The following EYS variants were observed in gnomAD, a reference collection of about 807,000 sequenced individuals.
EYS encodes the protein protein eyes shut homolog.
A neutral mutation model predicts 282.1 loss-of-function variants in EYS; 250 were observed. That is an observed-to-expected ratio of 0.89 (90% confidence interval 0.80 to 0.98). EYS has a LOEUF of 0.98. EYS is among the 50% of genes least tolerant of loss of function. EYS has a pLI of 0.00. For missense variants in EYS, 4,016 were observed against 3,709.0 expected (o/e 1.08, Z -2.15); for synonymous variants, 1,355 against 1,282.9 (o/e 1.06, Z -1.20).
intron 12 of EYS, among the ~76,000 whole-genome samples, chr6:65,085,140 A>C (rs1774330960): frequency 6.6e-6 from 1 of 152,200 alleles, no homozygotes; most frequent in African/African-American, 2.4e-5. Context: ...GCCAGAAGTC[A>C]TGACAAAGGT....
intron 29 of EYS, among the ~76,000 whole-genome samples, chr6:64,332,351 T>A (rs907784967): frequency 6.6e-6 from 1 of 152,192 alleles, no homozygotes; most frequent in Non-Finnish European, 1.5e-5. Flanking sequence ...AGTGAGACCA[T>A]GTAGTAAATA....
At chr6:63,841,785 G>A (rs151279291) in intron 36 of EYS, among the ~76,000 whole-genome samples, 4 of 152,108 alleles carry the variant, frequency 2.6e-5, no homozygotes, top group Non-Finnish European at 4.4e-5. Context: ...ACAGGCACCC[G>A]TGTGTGATGT....
chr6:63,829,206 G>A (rs551380634), intron 36 of EYS, among the ~76,000 whole-genome samples: 12 of 152,294 alleles, frequency 7.9e-5, no homozygotes, highest in East Asian at 3.9e-4. Context: ...CTGAGGTACC[G>A]GGTTCGTCTC....
intron 12 of EYS, among the ~76,000 whole-genome samples, chr6:65,161,288 T>C (rs1054344851): frequency 6.6e-6 from 1 of 151,024 alleles, no homozygotes; most frequent in African/African-American, 2.4e-5. Context: ...ATTGCTATTA[T>C]TCATCTTTTA....
chr6:65,628,621 C>T (rs529649023), intron 2 of EYS, among the ~76,000 whole-genome samples: 19 of 152,206 alleles, frequency 1.2e-4, no homozygotes, highest in African/African-American at 4.6e-4. Context: ...AGGAGCCCAC[C>T]GGGAGGAACG....
chr6:65,677,957 T>C (rs535090619), intron 1 of EYS, among the ~76,000 whole-genome samples: 2 of 152,168 alleles, frequency 1.3e-5, no homozygotes, highest in South Asian at 2.1e-4. Flanking sequence ...TAGTCCATTG[T>C]TGTGTTGCTG....
chr6:64,643,687 G>A (rs964654584), intron 22 of EYS, among the ~76,000 whole-genome samples: 8 of 152,146 alleles, frequency 5.3e-5, no homozygotes, highest in African/African-American at 1.9e-4. Context: ...TTATGGGTGT[G>A]GGTCTTTCTC....
chr6:65,526,120 C>T (rs1235767009), intron 2 of EYS, among the ~76,000 whole-genome samples: 1 of 152,166 alleles, frequency 6.6e-6, no homozygotes, highest in Non-Finnish European at 1.5e-5. Context: ...AGAGCAATAG[C>T]ATGTCAGTTA....
At chr6:65,059,644 TG>T (rs1463097209) in intron 12 of EYS, among the ~76,000 whole-genome samples, 3 of 152,052 alleles carry the variant, frequency 2.0e-5, no homozygotes, top group Admixed American at 2.0e-4. Context: ...TTATAATTAT[TG>T]GGTTCTGAAG....
At position 64,822,867 on chromosome 6, in the gene EYS, A is replaced by G. The variant is rs560648459; in HGVS notation, c.2993-45T>C. The G allele has an allele frequency of 2.7e-6, 4 of 1,489,392 alleles. No homozygotes were observed. In the African/African-American group the frequency reaches 4.2e-5, roughly 16 times the overall value. 92.3% of individuals were successfully genotyped at this position (1,489,392 alleles called of 1,614,324 possible). ...GCAAAACATGAAACCATTTAAATAC[A>G]AAACTCTTAAAAGTTTGTTCATTAT... On this transcript the variant is annotated intron_variant, in intron 19 of 42. Coordinates refer to ENST00000503581, the MANE Select transcript of EYS (RefSeq NM_001142800.2).
intron 29 of EYS, among the ~76,000 whole-genome samples, chr6:64,330,923 T>A (rs1011418030): frequency 3.9e-5 from 6 of 152,206 alleles, no homozygotes; most frequent in African/African-American, 1.4e-4. Flanking sequence ...GGTATCACTG[T>A]TGTGTGGAAA....
intron 31 of EYS, among the ~76,000 whole-genome samples, chr6:64,176,299 T>C (rs757041300): frequency 1.3e-5 from 2 of 152,028 alleles, no homozygotes; most frequent in Non-Finnish European, 2.9e-5. Context: ...AAATTATATA[T>C]ATTGGATTTT....
chr6:65,340,287 A>G (rs1770150271), intron 10 of EYS, among the ~76,000 whole-genome samples: 2 of 151,180 alleles, frequency 1.3e-5, no homozygotes, highest in Non-Finnish European at 3.0e-5. Flanking sequence ...AGATAAACTT[A>G]TTTGTAATTA....
chr6:65,048,965 C>T (rs540334490), intron 13 of EYS, among the ~76,000 whole-genome samples: 66 of 151,804 alleles, frequency 4.3e-4, no homozygotes, highest in Admixed American at 9.9e-4. Flanking sequence ...TTCCAGTGTG[C>T]CATAAGTAGA....
chr6:64,848,172 A>G (rs1765773965), intron 19 of EYS, among the ~76,000 whole-genome samples: 1 of 151,994 alleles, frequency 6.6e-6, no homozygotes, highest in African/African-American at 2.4e-5. Context: ...TGTGGAGAAA[A>G]TGATTTTGAT....
chr6:63,737,266 A>G (rs2149638922), intron 41 of EYS, among the ~76,000 whole-genome samples: 1 of 152,310 alleles, frequency 6.6e-6, no homozygotes, highest in East Asian at 1.9e-4. Context: ...CATCCCATCA[A>G]TACCTAATTT....
At chr6:64,737,777 A>G (rs1436809778) in intron 22 of EYS, among the ~76,000 whole-genome samples, 1 of 152,196 alleles carries the variant, frequency 6.6e-6, no homozygotes, top group Non-Finnish European at 1.5e-5. Flanking sequence ...CTACAAAGTC[A>G]GAGTGTTGCA....
chr6:63,721,551 G>C lies in EYS; in HGVS notation c.8480C>G (p.Ser2827Cys), dbSNP rs1405969589. 2.6e-6 allele frequency: 4 copies of C among 1,551,684 alleles called. No individual in the cohort carries two copies. The South Asian group carries it at 4.8e-5, about 18-fold the overall frequency. The part of the protein sequence containing the change: ...TNTDFYIGGV[S>C]SLNLVNPMAI... ...CATGGGATTTACAAGATTTAAAGAA[G>C]ATACTCCTCCAATATAGAAGTCTGT... The change falls in exon 43 of 43, where the codon TCT becomes TGT. Residue 2827 changes from serine (S) to cysteine (C), a missense_variant. Transcript: ENST00000503581.
chr6:65,286,058 T>G (rs1768352948), intron 12 of EYS, among the ~76,000 whole-genome samples: 2 of 151,868 alleles, frequency 1.3e-5, no homozygotes, highest in African/African-American at 2.4e-5. Context: ...ATACTATGCC[T>G]TAAAAAATCT....
Sources: allele counts gnomAD v4.1 joint callset (sites outside exome capture counted in the v4.1 genomes callset), GRCh38; gene constraint gnomAD v4.1.1; transcripts MANE v1.5; gene names NCBI Gene and HGNC (gene_info 2026-07-23, HGNC 2026-07-21).